The following SLC2A9 variants were observed in gnomAD, a reference collection of about 807,000 sequenced individuals.
SLC2A9 encodes solute carrier family 2 member 9, also known as solute carrier family 2, facilitated glucose transporter member 9.
SLC2A9 carries 39 observed loss-of-function variants against 50.6 expected under a neutral mutation model. The observed-to-expected ratio is 0.77, with a 90% confidence interval of 0.60 to 1.01. SLC2A9 has a LOEUF of 1.01. SLC2A9 is among the 50% of genes least tolerant of loss of function. The pLI is 0.00. For missense variants in SLC2A9, 686 were observed against 677.6 expected (o/e 1.01, Z -0.14); for synonymous variants, 324 against 276.9 (o/e 1.17, Z -1.69).
intron 8 of SLC2A9, among the ~76,000 whole-genome samples, chr4:9,902,067 G>C (rs1739734655): frequency 6.6e-6 from 1 of 152,152 alleles, no homozygotes; most frequent in African/African-American, 2.4e-5. Context: ...CTTTCCCAAA[G>C]GTTTTTCTTT....
chr4:9,836,561 G>A (rs1727147490), intron 10 of SLC2A9, among the ~76,000 whole-genome samples: 1 of 152,176 alleles, frequency 6.6e-6, no homozygotes, highest in African/African-American at 2.4e-5. Context: ...TACAACAGGG[G>A]CCAATCTGTC....
intron 6 of SLC2A9, among the ~76,000 whole-genome samples, chr4:9,929,419 A>G (rs1261744186): frequency 6.6e-6 from 1 of 152,248 alleles, no homozygotes; most frequent in Non-Finnish European, 1.5e-5. Flanking sequence ...ACTGTCCCAC[A>G]GGGGAAGATG....
chr4:10,007,376 A>G (rs532388438), intron 2 of SLC2A9, among the ~76,000 whole-genome samples: 8 of 152,320 alleles, frequency 5.3e-5, no homozygotes, highest in African/African-American at 1.9e-4. Context: ...TTTTGTTCCC[A>G]CAGTTAGCTT....
intron 6 of SLC2A9, among the ~76,000 whole-genome samples, chr4:9,937,301 G>A (rs1159515003): frequency 2.6e-5 from 4 of 152,104 alleles, no homozygotes; most frequent in Non-Finnish European, 5.9e-5. Flanking sequence ...GTGTTTTCCC[G>A]CCCCTTTTTG....
At chr4:9,984,456 G>A (rs1292101473) in intron 4 of SLC2A9, among the ~76,000 whole-genome samples, 16 of 152,162 alleles carry the variant, frequency 1.1e-4, no homozygotes, top group Non-Finnish European at 2.9e-5. Flanking sequence ...GACAGAGTGT[G>A]TGTTTCCGTT....
chr4:9,838,407 G>T (rs559651620), intron 10 of SLC2A9, among the ~76,000 whole-genome samples: 1 of 152,178 alleles, frequency 6.6e-6, no homozygotes, highest in Non-Finnish European at 1.5e-5. Flanking sequence ...TTGATAAAAA[G>T]AACTAATATT....
chr4:9,977,593 T>C (rs1436873451), intron 5 of SLC2A9, among the ~76,000 whole-genome samples: 1 of 123,982 alleles, frequency 8.1e-6, no homozygotes, highest in Non-Finnish European at 1.6e-5. Flanking sequence ...TTTTTCTGCC[T>C]CTGAACAAAT....
chr4:9,977,509 G>T (rs192144489), intron 5 of SLC2A9, among the ~76,000 whole-genome samples: 2 of 151,482 alleles, frequency 1.3e-5, no homozygotes, highest in Non-Finnish European at 2.9e-5. Context: ...CCTCTCTGCT[G>T]CCTGCCTTGC....
downstream of SLC2A9, among the ~76,000 whole-genome samples, chr4:9,825,401 G>T (rs1435377136): frequency 1.3e-5 from 2 of 152,150 alleles, no homozygotes; most frequent in Non-Finnish European, 2.9e-5. Context: ...TTGAGTGATG[G>T]TGAACTCCCC....
chr4:9,985,105 A>G (rs943782285), intron 4 of SLC2A9, among the ~76,000 whole-genome samples: 4 of 151,988 alleles, frequency 2.6e-5, no homozygotes, highest in Non-Finnish European at 5.9e-5. Flanking sequence ...CCTTTCTAAA[A>G]CAGCCCTCAC....
intron 7 of SLC2A9, among the ~76,000 whole-genome samples, chr4:9,914,875 C>A (rs1742565125): frequency 6.6e-6 from 1 of 152,106 alleles, no homozygotes; most frequent in Non-Finnish European, 1.5e-5. Flanking sequence ...TTATAAAAAT[C>A]CAGAAGCATA....
At chr4:9,783,094 C>A (rs1718719549) in intron 3 of SLC2A9, 6 of 1,614,242 alleles carry the variant, frequency 3.7e-6, no homozygotes, top group Non-Finnish European at 4.2e-6. Context: ...CCTCACTCAA[C>A]CCCGTCATCT....
intron 3 of SLC2A9, among the ~76,000 whole-genome samples, chr4:9,804,503 C>A (rs1276909030): frequency 1.3e-5 from 2 of 151,978 alleles, no homozygotes; most frequent in Non-Finnish European, 2.9e-5. Context: ...AGGGGTAGGA[C>A]CCTCTTTATA....
intron 1 of SLC2A9, among the ~76,000 whole-genome samples, chr4:10,020,384 T>C (rs1367078444): frequency 6.6e-6 from 1 of 152,120 alleles, no homozygotes; most frequent in Admixed American, 6.5e-5. Flanking sequence ...GGGATCTTAA[T>C]AGCAGCACTG....
intron 1 of SLC2A9, among the ~76,000 whole-genome samples, chr4:9,771,717 A>T (rs1268523651): frequency 6.6e-6 from 1 of 152,252 alleles, no homozygotes; most frequent in Non-Finnish European, 1.5e-5. Flanking sequence ...GCTGTGCTAG[A>T]GGCAGGTGCA....
chr4:9,827,838 T>G (rs1725394785), intron 11 of SLC2A9, among the ~76,000 whole-genome samples: 2 of 152,238 alleles, frequency 1.3e-5, no homozygotes, highest in South Asian at 4.2e-4. Flanking sequence ...GCCAGTCGAG[T>G]GGGATTCAAA....
At chr4:9,877,581 A>G (rs1734507186) in intron 10 of SLC2A9, among the ~76,000 whole-genome samples, 1 of 152,180 alleles carries the variant, frequency 6.6e-6, no homozygotes, top group Non-Finnish European at 1.5e-5. Flanking sequence ...TGCCTCCTGT[A>G]AATCCAGTAA....
intron 3 of SLC2A9, among the ~76,000 whole-genome samples, chr4:9,993,751 C>T (rs1023050297): frequency 6.6e-6 from 1 of 152,080 alleles, no homozygotes; most frequent in African/African-American, 2.4e-5. Context: ...AATTCTTGAT[C>T]GCTGAGAATT....
intron 11 of SLC2A9, among the ~76,000 whole-genome samples, chr4:9,834,383 C>G (rs1308489821): frequency 6.6e-6 from 1 of 152,012 alleles, no homozygotes; most frequent in East Asian, 1.9e-4. Flanking sequence ...ATGAACAGAT[C>G]CTTTCCCTAC....
Sources: allele counts gnomAD v4.1 joint callset (sites outside exome capture counted in the v4.1 genomes callset), GRCh38; gene constraint gnomAD v4.1.1; transcripts MANE v1.5; gene names NCBI Gene and HGNC (gene_info 2026-07-23, HGNC 2026-07-21).